Variants in PSPH observed in about 807,000 individuals in gnomAD.
PSPH encodes L-3-phosphoserine phosphatase.
Under a neutral mutation model 23.4 loss-of-function variants are expected in PSPH, and 16 were observed. The observed-to-expected ratio is 0.68, with a 90% CI of 0.46 to 1.04. PSPH has a LOEUF of 1.04. Ranked by LOEUF, PSPH falls within the 50% of genes least tolerant of loss-of-function variation. The pLI is 0.00. For synonymous variants in PSPH, 68 were observed against 99.7 expected, an observed-to-expected ratio of 0.68 and a Z score of 1.89; for missense variants, 223 against 273.7, an observed-to-expected ratio of 0.81 and a Z score of 1.31.
chr7:56,045,831 G>A (rs1793153166), intron 1 of PSPH, among the ~76,000 whole-genome samples: 1 of 146,450 alleles, frequency 6.8e-6, no homozygotes, highest in Non-Finnish European at 1.5e-5. Flanking sequence ...AAGCTGCAAT[G>A]AGCCAAGATC....
chr7:56,048,795 C>CTT lies in PSPH; in HGVS notation c.-292+2341_-292+2342dup, dbSNP rs548240200. Among the ~76,000 whole-genome samples the CTT allele has an allele frequency of 1.7e-3, 223 of 130,898 alleles. 2 individuals carry two copies. Among genetic ancestry groups the CTT allele is most frequent in the South Asian group, 5.7e-3 (23 of 4,038 alleles). 85.9% of individuals were successfully genotyped at this position (130,898 alleles called of 152,430 possible). A position where few individuals can be genotyped will look rare whatever the true frequency, so the allele number is the denominator to read the frequency against. On this transcript the variant is annotated intron_variant, in intron 1 of 7. Coordinates refer to ENST00000275605, the MANE Select transcript of PSPH (RefSeq NM_004577.4). ...TACAGGCGTGTGCCACCACACCTGG[C>CTT]TTTTTTTTTTTTTTTTGCTTTAAGT...
chr7:56,049,501 C>G (rs1405587508), intron 1 of PSPH, among the ~76,000 whole-genome samples: 4 of 147,816 alleles, frequency 2.7e-5, no homozygotes, highest in Non-Finnish European at 4.5e-5. Flanking sequence ...TGCAGTAATG[C>G]AGTCTCCGCT....
At chr7:56,027,768 G>A (rs923779082) in intron 3 of PSPH, among the ~76,000 whole-genome samples, 4 of 150,248 alleles carry the variant, frequency 2.7e-5, no homozygotes, top group Non-Finnish European at 5.9e-5. Context: ...AATGAGATTG[G>A]CCGAGTGCAG....
Position 56,013,188 on chromosome 7 carries a change from CACACAT to C in PSPH, c.571-1325_571-1320del, listed in dbSNP as rs1267078320. Among the ~76,000 whole-genome samples the C allele has an allele frequency of 4.0e-4, 56 of 138,540 alleles. 1 individual carries two copies. Among genetic ancestry groups the C allele is most frequent in the Non-Finnish European group, 7.7e-4 (48 of 62,728 alleles). 90.9% of individuals were successfully genotyped at this position (138,540 alleles called of 152,430 possible). A position where few individuals can be genotyped will look rare whatever the true frequency, so the allele number is the denominator to read the frequency against. On this transcript the variant is annotated intron_variant, in intron 7 of 7. Coordinates refer to ENST00000275605, the MANE Select transcript of PSPH (RefSeq NM_004577.4). The stretch of plus-strand genomic sequence containing the variant: ...ACACACACACACACACACACACACA[CACACAT>C]ATATATAGCATTGATTTTAAAATGC...
intron 3 of PSPH, among the ~76,000 whole-genome samples, chr7:56,024,095 T>C (rs1789843760): frequency 6.6e-6 from 1 of 151,716 alleles, no homozygotes; most frequent in Non-Finnish European, 1.5e-5. Context: ...GCCCGGCTAA[T>C]TTTTTGTATT....
intron 3 of PSPH, among the ~76,000 whole-genome samples, chr7:56,026,488 C>CAAAA (rs56089644): frequency 2.3e-4 from 16 of 70,328 alleles, no homozygotes; most frequent in African/African-American, 4.1e-4. Flanking sequence ...GACTCCATCT[C>CAAAA]AAAAAAAAAA....
At chr7:56,050,763 T>TA (rs1793930103) in intron 1 of PSPH, among the ~76,000 whole-genome samples, 1 of 152,242 alleles carries the variant, frequency 6.6e-6, no homozygotes, top group African/African-American at 2.4e-5. Context: ...CGAAAATTCA[T>TA]AGAGTACCCA....
chr7:56,046,046 C>T (rs1793193917), intron 1 of PSPH, among the ~76,000 whole-genome samples: 2 of 152,094 alleles, frequency 1.3e-5, no homozygotes, highest in Non-Finnish European at 1.5e-5. Flanking sequence ...CAGATGGATG[C>T]CTCAAAGATG....
intron 7 of PSPH, 149 bp downstream of exon 7, chr7:56,014,874 C>T (rs1252084441): frequency 4.0e-6 from 3 of 753,934 alleles, no homozygotes; most frequent in South Asian, 2.8e-5. Flanking sequence ...ACCCAGGAGG[C>T]GGATATTGCA....
intron 4 of PSPH, 73 bp downstream of exon 4, chr7:56,021,000 A>C: frequency 4.6e-6 from 7 of 1,530,750 alleles, no homozygotes; most frequent in Non-Finnish European, 5.3e-6. Flanking sequence ...GCCAGGGTCT[A>C]GCACTTCATC....
At chr7:56,024,701 C>T (rs911227893) in intron 3 of PSPH, among the ~76,000 whole-genome samples, 5 of 151,924 alleles carry the variant, frequency 3.3e-5, no homozygotes, top group African/African-American at 9.7e-5. Context: ...TGAGCTATGA[C>T]CATGACACTG....
intron 5 of PSPH, among the ~76,000 whole-genome samples, chr7:56,018,504 C>G (rs1052417071): frequency 6.6e-6 from 1 of 152,086 alleles, no homozygotes; most frequent in African/African-American, 2.4e-5. Flanking sequence ...CAGAAACCGA[C>G]AGGACCAGAC....
intron 1 of PSPH, among the ~76,000 whole-genome samples, chr7:56,048,942 C>CA (rs1178994617): frequency 6.6e-6 from 1 of 151,694 alleles, no homozygotes; most frequent in Admixed American, 6.6e-5. Context: ...TTCTTTGAGA[C>CA]AGAGTCTCAC....
chr7:56,039,774 C>CA (rs67220264), intron 1 of PSPH, among the ~76,000 whole-genome samples: 3,279 of 64,660 alleles, frequency 0.051, 169 homozygotes, highest in African/African-American at 0.15. Context: ...GACTCTGTCT[C>CA]AAAAAAAAAA....
At chr7:56,033,504 A>T (rs1487346306) in intron 2 of PSPH, 6 of 151,228 alleles carry the variant, frequency 4.0e-5, no homozygotes, top group African/African-American at 1.5e-4. Flanking sequence ...TCTGAAAAAA[A>T]AAAAAATAAA....
chr7:56,019,778 C>T (rs1165633542), intron 4 of PSPH, 44 bp from the exon 5 acceptor site: 1 of 1,608,490 alleles, frequency 6.2e-7, no homozygotes, highest in Non-Finnish European at 8.5e-7. Flanking sequence ...GTCCGATGTC[C>T]TCAAGGTTAA....
intron 3 of PSPH, among the ~76,000 whole-genome samples, chr7:56,030,985 G>T (rs1243732048): frequency 6.6e-6 from 1 of 151,854 alleles, no homozygotes; most frequent in Middle Eastern, 3.4e-3. Context: ...GCTGAGGCGG[G>T]TGGATCATGA....
chr7:56,021,709 G>A (rs927669497), intron 3 of PSPH, among the ~76,000 whole-genome samples: 29 of 151,716 alleles, frequency 1.9e-4, no homozygotes, highest in Admixed American at 1.6e-3. Flanking sequence ...AGGACTTTGG[G>A]AGGCTGAGGC....
At chr7:56,026,572 CA>C (rs890805023) in intron 3 of PSPH, among the ~76,000 whole-genome samples, 3 of 141,170 alleles carry the variant, frequency 2.1e-5, no homozygotes, top group Non-Finnish European at 4.6e-5. Context: ...GCAGCCAAGA[CA>C]GGTGATTGCT....
Sources: allele counts gnomAD v4.1 joint callset (sites outside exome capture counted in the v4.1 genomes callset), GRCh38; gene constraint gnomAD v4.1.1; transcripts MANE v1.5; gene names NCBI Gene and HGNC (gene_info 2026-07-23, HGNC 2026-07-21).